The following AUTS2 variants were observed in gnomAD, a reference collection of about 807,000 sequenced individuals.
AUTS2 encodes the protein autism susceptibility gene 2 protein.
AUTS2 carries 17 observed loss-of-function variants against 112.4 expected under a neutral mutation model. The observed-to-expected ratio is 0.15, with a 90% confidence interval of 0.10 to 0.23. The LOEUF (loss-of-function observed/expected upper bound fraction) is 0.23. Ranked by LOEUF, AUTS2 falls within the 10% of genes least tolerant of loss-of-function variation. The pLI is 1.00. For missense variants in AUTS2, 1,510 were observed against 1,701.6 expected (o/e 0.89, Z 1.98); for synonymous variants, 751 against 702.7 (o/e 1.07, Z -1.09).
chr7:70,328,578 C>T (rs79667124), intron 4 of AUTS2, among the ~76,000 whole-genome samples: 1 of 152,144 alleles, frequency 6.6e-6, no homozygotes, highest in East Asian at 1.9e-4. Flanking sequence ...ACTTGAATAA[C>T]TTTTTGTTCC....
At chr7:70,450,564 A>C (rs1389822073) in intron 5 of AUTS2, among the ~76,000 whole-genome samples, 1 of 152,144 alleles carries the variant, frequency 6.6e-6, no homozygotes, top group East Asian at 1.9e-4. Flanking sequence ...TGAGACTGTA[A>C]ACATATGTTG....
chr7:70,520,882 ATTTC>A (rs1799615496), intron 5 of AUTS2, among the ~76,000 whole-genome samples: 1 of 152,184 alleles, frequency 6.6e-6, no homozygotes, highest in Non-Finnish European at 1.5e-5. Flanking sequence ...TGTCAAACTC[ATTTC>A]ATTCCAATCA....
At chr7:70,306,824 G>T (rs1789515158) in intron 4 of AUTS2, among the ~76,000 whole-genome samples, 1 of 152,206 alleles carries the variant, frequency 6.6e-6, no homozygotes, top group African/African-American at 2.4e-5. Context: ...AAAGAAATCT[G>T]CAAACCTTGG....
chr7:70,539,946 G>A (rs1800481534), intron 5 of AUTS2, among the ~76,000 whole-genome samples: 1 of 152,202 alleles, frequency 6.6e-6, no homozygotes, highest in Admixed American at 6.5e-5. Flanking sequence ...CAGCCACTGA[G>A]GAAGCCCGGT....
At chr7:70,649,389 CT>C (rs1488509793) in intron 5 of AUTS2, among the ~76,000 whole-genome samples, 3 of 151,850 alleles carry the variant, frequency 2.0e-5, no homozygotes, top group African/African-American at 7.3e-5. Flanking sequence ...GAGTGAGACC[CT>C]GTCTCAAAAA....
At chr7:69,992,961 TTGG>T (rs1460447293) in intron 2 of AUTS2, among the ~76,000 whole-genome samples, 1 of 152,162 alleles carries the variant, frequency 6.6e-6, no homozygotes, top group Non-Finnish European at 1.5e-5. Flanking sequence ...TTAATGTAAA[TTGG>T]TGGCACATCT....
chr7:70,767,977 C>A, intron 9 of AUTS2, 47 bp from the exon 10 acceptor site: 1 of 1,600,126 alleles, frequency 6.2e-7, no homozygotes, highest in Non-Finnish European at 8.5e-7. Flanking sequence ...TAGCAGTGAA[C>A]AAAAATGCAG....
In AUTS2 at chr7:69,730,019, T is replaced by TTTTTTTTTTTTA. The variant is rs10684332; in HGVS notation, c.309+130057_309+130058insTTTTTTTTTTTA. Among the ~76,000 whole-genome samples, 910 of 131,578 alleles carry TTTTTTTTTTTTA rather than the reference T, an allele frequency of 6.9e-3. 21 individuals carry two copies. Among genetic ancestry groups the TTTTTTTTTTTTA allele is most frequent in the African/African-American group, 8.3e-3 (266 of 31,968 alleles). 86.3% of individuals were successfully genotyped at this position (131,578 alleles called of 152,430 possible). A position where few individuals can be genotyped will look rare whatever the true frequency, so the allele number is the denominator to read the frequency against. On this transcript the variant is annotated intron_variant, in intron 1 of 18. Coordinates refer to ENST00000342771, the MANE Select transcript of AUTS2 (RefSeq NM_015570.4). ...ATTTTTTTTTTTTTTTTTTTTTTTT[T>TTTTTTTTTTTTA]AGAAACTAGGTCTTCCTAAGTAAGT...
chr7:69,745,732 A>T (rs935448522), intron 1 of AUTS2, among the ~76,000 whole-genome samples: 1 of 152,184 alleles, frequency 6.6e-6, no homozygotes, highest in Non-Finnish European at 1.5e-5. Context: ...TGTGGGTTTA[A>T]AAAAAGTAAT....
chr7:70,388,073 A>G (rs1403168930), intron 4 of AUTS2, among the ~76,000 whole-genome samples: 1 of 152,184 alleles, frequency 6.6e-6, no homozygotes, highest in Admixed American at 6.5e-5. Flanking sequence ...TTTCTCATTT[A>G]CAGGACCTTT....
chr7:70,737,137 A>G (rs959625186), intron 6 of AUTS2, among the ~76,000 whole-genome samples: 4 of 152,230 alleles, frequency 2.6e-5, no homozygotes, highest in African/African-American at 9.6e-5. Flanking sequence ...AGCAGTAAGA[A>G]ATGGAAAAAG....
At chr7:70,683,003 C>T (rs1445681050) in intron 5 of AUTS2, among the ~76,000 whole-genome samples, 1 of 152,272 alleles carries the variant, frequency 6.6e-6, no homozygotes, top group African/African-American at 2.4e-5. Flanking sequence ...CAGCATATCA[C>T]TTCCTCCTCA....
chr7:69,612,382 C>T (rs762466105), intron 1 of AUTS2, among the ~76,000 whole-genome samples: 2 of 151,936 alleles, frequency 1.3e-5, no homozygotes, highest in Non-Finnish European at 2.9e-5. Context: ...TTTGTAATGG[C>T]TTTCTGTGTG....
intron 4 of AUTS2, among the ~76,000 whole-genome samples, chr7:70,319,982 C>T (rs1790177276): frequency 6.6e-6 from 1 of 152,210 alleles, no homozygotes; most frequent in Non-Finnish European, 1.5e-5. Context: ...CTCATTAAGA[C>T]TTACTTAGCT....
intron 5 of AUTS2, among the ~76,000 whole-genome samples, chr7:70,480,283 A>T (rs1797740152): frequency 6.6e-6 from 1 of 152,248 alleles, no homozygotes; most frequent in African/African-American, 2.4e-5. Context: ...ACTGAGTTGT[A>T]CTTTATTCTA....
chr7:70,131,549 TAC>T (rs1806271160), intron 3 of AUTS2, among the ~76,000 whole-genome samples: 1 of 152,204 alleles, frequency 6.6e-6, no homozygotes. Flanking sequence ...TCCCTAAATA[TAC>T]ATCTGTCAAT....
intron 5 of AUTS2, among the ~76,000 whole-genome samples, chr7:70,673,163 A>G (rs1456575682): frequency 1.3e-5 from 2 of 152,162 alleles, no homozygotes; most frequent in Non-Finnish European, 2.9e-5. Context: ...AGTGACCTAC[A>G]TGCAGTAGTT....
chr7:70,046,221 G>A (rs919237360), intron 2 of AUTS2, among the ~76,000 whole-genome samples: 4 of 152,136 alleles, frequency 2.6e-5, no homozygotes, highest in African/African-American at 9.6e-5. Flanking sequence ...GGGTGTAGAG[G>A]TTAAGAGCAT....
In AUTS2 at chr7:70,124,114, G is replaced by A. The variant is rs140727038; in HGVS notation, c.624+5881G>A. On this transcript the variant is annotated intron_variant, in intron 3 of 18. Coordinates refer to ENST00000342771, the MANE Select transcript of AUTS2 (RefSeq NM_015570.4). ...TTTCTCTGATGATCAGTGATATTGAGCTTTTTTTGTATAGGCTTGTTGGCT... is the reference window on the plus strand; with the variant it reads ...TTTCTCTGATGATCAGTGATATTGAACTTTTTTTGTATAGGCTTGTTGGCT... Among the ~76,000 whole-genome samples, 24 of 152,224 alleles carry A rather than the reference G, an allele frequency of 1.6e-4. No individual in the cohort carries two copies. The East Asian group carries it at 2.7e-3, about 17-fold the overall frequency.
Sources: gnomAD v4.1 joint callset for allele counts (sites outside exome capture counted in the v4.1 genomes callset) on GRCh38, gnomAD v4.1.1 for gene constraint, MANE v1.5 for transcripts, NCBI Gene and HGNC (gene_info 2026-07-23, HGNC 2026-07-21) for gene names.